Variants in TJP1 observed in about 807,000 individuals in gnomAD.
TJP1 encodes tight junction protein 1, also known as tight junction protein ZO-1.
A neutral mutation model predicts 194.2 loss-of-function variants in TJP1; 43 were observed. The observed-to-expected ratio is 0.22, with a 90% CI of 0.17 to 0.29. The LOEUF is 0.29. Among genes scored for constraint, TJP1 ranks in the 10% least tolerant of loss-of-function variants. The pLI, the probability that TJP1 is intolerant of heterozygous loss-of-function variation, is 1.00. For synonymous variants in TJP1, 801 were observed against 779.0 expected, an observed-to-expected ratio of 1.03 and a Z score of -0.47; for missense variants, 1,971 against 2,185.7, an observed-to-expected ratio of 0.90 and a Z score of 1.96.
chr15:29,716,990 A>G, intron 22 of TJP1, 152 bp from the exon 23 acceptor site: 3 of 690,822 alleles, frequency 4.3e-6, no homozygotes, highest in Non-Finnish European at 7.0e-6. Context: ...GTTAAAATGG[A>G]TATTTCAAAT....
At chr15:29,797,362 C>T (rs1265671470) in intron 2 of TJP1, among the ~76,000 whole-genome samples, 1 of 152,114 alleles carries the variant, frequency 6.6e-6, no homozygotes, top group African/African-American at 2.4e-5. Context: ...GTTGGCCAGG[C>T]TGGTCTCAAA....
intron 2 of TJP1, among the ~76,000 whole-genome samples, chr15:29,782,287 G>C (rs1232363337): frequency 6.6e-6 from 1 of 152,096 alleles, no homozygotes; most frequent in African/African-American, 2.4e-5. Context: ...AGGTTACCCA[G>C]CTTCAAACTA....
Position 29,919,293 on chromosome 15 carries a change from G to C in TJP1, c.306+36939C>G, listed in dbSNP as rs544584367. 2.0e-4 allele frequency among the ~76,000 whole-genome samples: 30 copies of C among 152,348 alleles called. No homozygotes were observed. In the South Asian group the frequency reaches 5.4e-3, roughly 27 times the overall value. On this transcript the variant is annotated intron_variant, in intron 2 of 28. Transcript: ENST00000356107. The stretch of plus-strand genomic sequence containing the variant: ...CCCAGGAACAGGGGCAGCAGGCCCA[G>C]AGGGCATTAGGTTGGTGGGCACAAG...
chr15:29,824,528 G>C (rs142828705), upstream of TJP1, among the ~76,000 whole-genome samples: 8 of 151,702 alleles, frequency 5.3e-5, no homozygotes, highest in African/African-American at 1.9e-4. Flanking sequence ...GAGGCCAGGA[G>C]TTTGAGACCA....
At chr15:29,762,573 C>T (rs762950962) in intron 5 of TJP1, 135 bp from the exon 6 acceptor site, 3 of 614,696 alleles carry the variant, frequency 4.9e-6, no homozygotes, top group Non-Finnish European at 8.2e-6. Context: ...TATTTCTTGG[C>T]CATCCTGCAA....
At position 29,718,404 on chromosome 15, in the gene TJP1, T is replaced by A; in HGVS notation, c.3738A>T (p.Pro1246=). The A allele has an allele frequency of 6.2e-7, 1 of 1,613,818 alleles. No individual in the cohort carries two copies. The highest frequency in any genetic ancestry group is 8.5e-7 in the Non-Finnish European group (1 of 1,179,984). Residue 1246 remains proline (P), a synonymous_variant, in exon 21 of 28, where the codon CCA becomes CCT. Coordinates refer to ENST00000614355, the MANE Select transcript of TJP1 (RefSeq NM_001330239.4). The stretch of plus-strand genomic sequence containing the variant: ...CCTCTTCTTCGGTTTGAGTTGGGGG[T>A]GGAGGCAGTGGTTTGGTGTTTGAAG... ...ALPSNTKPLP[P]PPTQTEEEED...
At chr15:29,882,482 A>G (rs985171106) in intron 2 of TJP1, among the ~76,000 whole-genome samples, 1 of 152,200 alleles carries the variant, frequency 6.6e-6, no homozygotes, top group South Asian at 2.1e-4. Flanking sequence ...TAGGCAAACA[A>G]ATCATTCAAT....
At chr15:29,761,355 A>C in intron 7 of TJP1, 69 bp from the exon 8 acceptor site, 1 of 1,555,238 alleles carries the variant, frequency 6.4e-7, no homozygotes, top group East Asian at 2.3e-5. Context: ...GTACTCCAGT[A>C]ATAATGAAGA....
At chr15:29,820,717 T>C (rs1264110102) in intron 1 of TJP1, 5 of 600,156 alleles carry the variant, frequency 8.3e-6, no homozygotes, top group African/African-American at 7.4e-5. Flanking sequence ...TGGGAGCTTA[T>C]TTTAAAACCA....
At chr15:29,740,881 G>A (rs2044368462) in intron 10 of TJP1, 2 of 156,248 alleles carry the variant, frequency 1.3e-5, no homozygotes, top group Admixed American at 1.3e-4. Context: ...TCACAACTAG[G>A]GGACTGCTAC....
Position 29,700,929 on chromosome 15 carries a change from A to G in TJP1, c.*666T>C, listed in dbSNP as rs1171803604. ...AGCTAAGAATTAAGAACATGAGGGT[A>G]AGGCATTTCTGCTGGTTAGTATGTC... On this transcript the variant is annotated 3_prime_UTR_variant, in exon 28 of 28. Transcript: ENST00000614355. 5 of 153,356 alleles carry G rather than the reference A, an allele frequency of 3.3e-5. No individual in the cohort carries two copies. In the Admixed American group the frequency reaches 3.3e-4, roughly 10 times the overall value. 9.5% of individuals were successfully genotyped at this position (153,356 alleles called of 1,614,324 possible). A position where few individuals can be genotyped will look rare whatever the true frequency, so the allele number is the denominator to read the frequency against.
intron 2 of TJP1, among the ~76,000 whole-genome samples, chr15:29,914,187 G>A (rs558086345): frequency 2.7e-4 from 41 of 152,226 alleles, no homozygotes; most frequent in African/African-American, 7.5e-4. Flanking sequence ...TTAGAAATTC[G>A]ACTCACTAGC....
chr15:29,707,005 G>C (rs1013397515), intron 25 of TJP1, among the ~76,000 whole-genome samples: 1 of 152,084 alleles, frequency 6.6e-6, no homozygotes. Context: ...ACGGCTGACA[G>C]CATCTCAGAC....
At chr15:29,827,841 CT>C (rs1468380411) in intron 2 of TJP1, among the ~76,000 whole-genome samples, 1 of 152,144 alleles carries the variant, frequency 6.6e-6, no homozygotes, top group Non-Finnish European at 1.5e-5. Context: ...GAGTCCACCT[CT>C]TCCTGCAGAT....
At chr15:29,937,603 C>T (rs1055591289) in intron 2 of TJP1, among the ~76,000 whole-genome samples, 5 of 152,158 alleles carry the variant, frequency 3.3e-5, no homozygotes, top group East Asian at 1.9e-4. Flanking sequence ...TCAGATGCCA[C>T]GGACAGAACA....
chr15:29,925,425 T>C (rs2054493526), intron 2 of TJP1, among the ~76,000 whole-genome samples: 1 of 152,052 alleles, frequency 6.6e-6, no homozygotes, highest in Non-Finnish European at 1.5e-5. Flanking sequence ...CCACCAGGTG[T>C]GTGGTGAGGT....
intron 1 of TJP1, among the ~76,000 whole-genome samples, chr15:29,958,912 G>A (rs1285693706): frequency 8.6e-6 from 1 of 116,142 alleles, no homozygotes; most frequent in Non-Finnish European, 1.8e-5. Flanking sequence ...TTGCAAACTT[G>A]CTTTTTTAGT....
intron 2 of TJP1, among the ~76,000 whole-genome samples, chr15:29,792,484 G>A (rs1215689225): frequency 6.6e-6 from 1 of 152,116 alleles, no homozygotes; most frequent in Non-Finnish European, 1.5e-5. Flanking sequence ...CCATGCTATA[G>A]CTCTGGAGTA....
At chr15:29,709,832 T>C (rs546880762) in intron 24 of TJP1, among the ~76,000 whole-genome samples, 3 of 152,256 alleles carry the variant, frequency 2.0e-5, no homozygotes, top group Admixed American at 6.5e-5. Flanking sequence ...TTGGAGGTCC[T>C]GGCCAGTGCA....
Sources: gnomAD v4.1 joint callset for allele counts (sites outside exome capture counted in the v4.1 genomes callset) on GRCh38, gnomAD v4.1.1 for gene constraint, MANE v1.5 for transcripts, NCBI Gene and HGNC (gene_info 2026-07-23, HGNC 2026-07-21) for gene names.